The following ZNF48 variants were observed in gnomAD, a reference collection of about 807,000 sequenced individuals.
ZNF48 encodes the protein zinc finger protein 553.
A neutral mutation model predicts 40.0 loss-of-function variants in ZNF48; 20 were observed. That is an observed-to-expected ratio of 0.50 (90% CI 0.35 to 0.73). The LOEUF (loss-of-function observed/expected upper bound fraction) is 0.73, where lower values mean the gene tolerates loss of function less well. ZNF48 is among the 30% of genes least tolerant of loss of function. The pLI, the probability that ZNF48 is intolerant of heterozygous loss-of-function variation, is 0.01. For synonymous variants in ZNF48, 298 were observed against 329.7 expected, an observed-to-expected ratio of 0.90 and a Z score of 1.04; for missense variants, 726 against 851.9, an observed-to-expected ratio of 0.85 and a Z score of 1.84.
chr16:30,379,495 C>T, intron 1 of ZNF48: 1 of 1,614,012 alleles, frequency 6.2e-7, no homozygotes, highest in Non-Finnish European at 8.5e-7. Context: ...CCATCCCTCA[C>T]CACCTCGCAT....
rs903238632 is a variant in ZNF48 at position 30,397,780 on chromosome 16, C to T, written c.530C>T (p.Pro177Leu). Residue 177 changes from proline to leucine, a missense_variant, in exon 3 of 3, where the codon CCC (proline) becomes CTC (leucine). Pro to Leu is a moderately conservative substitution (Grantham distance 98, BLOSUM62 -3). Coordinates refer to ENST00000613509, the MANE Select transcript of ZNF48 (RefSeq NM_001214909.2). The surrounding 1 kb of genome is among the most constrained non-coding windows in gnomAD (Gnocchi z 4.1). ...AGAGCCCGGCCACCAGCCCAGGGTC[C>T]CCCAAAGATTCCTCGGTCCCGGATC... Reference protein sequence around the residue: ...PYRARPPAQGPPKIPRSRIPA... With the variant: ...PYRARPPAQGLPKIPRSRIPA... 5 of 1,613,700 alleles carry T rather than the reference C, an allele frequency of 3.1e-6. No homozygotes were observed. The highest frequency in any genetic ancestry group is 1.1e-5 in the South Asian group (1 of 91,072).
chr16:30,389,674 C>T (rs2049927338), intron 1 of ZNF48, among the ~76,000 whole-genome samples: 1 of 151,422 alleles, frequency 6.6e-6, no homozygotes, highest in African/African-American at 2.4e-5. Flanking sequence ...TTATTAATTC[C>T]AACTAATTAT....
intron 1 of ZNF48, chr16:30,380,525 C>G (rs1304180855): frequency 1.3e-5 from 2 of 158,720 alleles, no homozygotes; most frequent in African/African-American, 4.8e-5. Context: ...TTGTCTTAAA[C>G]TCTTCAGCTC....
chr16:30,379,858 C>T, intron 1 of ZNF48: 3 of 825,298 alleles, frequency 3.6e-6, no homozygotes, highest in Non-Finnish European at 4.0e-6. Context: ...CCTCCCGTCT[C>T]AGCCTCCCAA....
chr16:30,379,862 C>T (rs913971243), intron 1 of ZNF48: 11 of 850,808 alleles, frequency 1.3e-5, no homozygotes, highest in Admixed American at 3.9e-5. Context: ...CCGTCTCAGC[C>T]TCCCAAAGTG....
intron 1 of ZNF48, among the ~76,000 whole-genome samples, chr16:30,389,446 G>T (rs561632651): frequency 6.7e-6 from 1 of 149,598 alleles, no homozygotes; most frequent in South Asian, 2.1e-4. Flanking sequence ...GGTGGTGCGC[G>T]CCTGTAATCC....
intron 1 of ZNF48, chr16:30,378,602 G>C: frequency 6.2e-7 from 1 of 1,611,504 alleles, no homozygotes. Context: ...AGCGAGGTGC[G>C]TGCTCACCTC....
At position 30,382,763 on chromosome 16, in the gene ZNF48, G is replaced by C; in HGVS notation, c.-16+4353G>C. On this transcript the variant is annotated intron_variant, in intron 1 of 2. Transcript: ENST00000528032. The surrounding 1 kb of genome is among the most constrained non-coding windows in gnomAD (Gnocchi z 4.8). Reference sequence around the variant, plus strand: ...CAACCCTCCATCCTTCACACATCTGGATTCCAAGTCCCACTGTAGCTCCAT... The same window carrying C: ...CAACCCTCCATCCTTCACACATCTGCATTCCAAGTCCCACTGTAGCTCCAT... 1 of 1,536,058 alleles carries C rather than the reference G, an allele frequency of 6.5e-7. No individual in the cohort carries two copies. Among genetic ancestry groups the C allele is most frequent in the Non-Finnish European group, 8.7e-7 (1 of 1,146,876 alleles).
At chr16:30,387,190 G>A (rs1280863184) in intron 1 of ZNF48, among the ~76,000 whole-genome samples, 10 of 145,922 alleles carry the variant, frequency 6.9e-5, no homozygotes, top group Non-Finnish European at 1.2e-4. Flanking sequence ...TGATCCGCCC[G>A]CCTTGGCCTC....
intron 1 of ZNF48, among the ~76,000 whole-genome samples, chr16:30,388,955 C>T (rs1484676512): frequency 2.0e-5 from 3 of 151,362 alleles, no homozygotes; most frequent in African/African-American, 7.3e-5. Flanking sequence ...AAAAAGAAAA[C>T]AACCCTGCAA....
rs1483068106 is a variant in ZNF48 at position 30,398,766 on chromosome 16, G to A, written c.1516G>A (p.Ala506Thr). 1.9e-6 allele frequency: 3 copies of A among 1,613,482 alleles called. No homozygotes were observed. The highest frequency in any genetic ancestry group is 8.5e-7 in the Non-Finnish European group (1 of 1,180,002). ...CCTCCGCACCCACCGTGGTGAACGG[G>A]CCCGGCCACCACCACCATCCACTCT... ...KHLRTHRGER[A>T]RPPPPSTLLR... Residue 506 changes from alanine (A) to threonine (T), a missense_variant, in exon 3 of 3, where the codon GCC (alanine) becomes ACC (threonine). Transcript: ENST00000613509. The surrounding 1 kb of genome is among the most constrained non-coding windows in gnomAD (Gnocchi z 6.6).
intron 1 of ZNF48, chr16:30,378,654 G>T: frequency 1.2e-6 from 2 of 1,609,638 alleles, no homozygotes. Context: ...TCCGCCAGAG[G>T]CAGCATGGGC....
chr16:30,389,012 G>A (rs1256395297), intron 1 of ZNF48, among the ~76,000 whole-genome samples: 2 of 152,204 alleles, frequency 1.3e-5, no homozygotes, highest in Non-Finnish European at 2.9e-5. Flanking sequence ...TGTAATCCCA[G>A]CACTTTGGGA....
At chr16:30,380,922 C>T in intron 1 of ZNF48, 1 of 612,262 alleles carries the variant, frequency 1.6e-6, no homozygotes, top group Non-Finnish European at 2.9e-6. Flanking sequence ...AGGCATCTAG[C>T]CCGGGGGCTG....
At chr16:30,395,187 A>T (rs760895639), upstream of ZNF48, 1 of 455,434 alleles carries the variant, frequency 2.2e-6, no homozygotes, top group South Asian at 1.6e-5. This position sits in a 1 kb window ranked among gnomAD's most constrained non-coding sequence, Gnocchi z 5.9. Context: ...GGCTGGAGAC[A>T]CACAGCCACA....
At chr16:30,389,538 A>G (rs935020127) in intron 1 of ZNF48, among the ~76,000 whole-genome samples, 2 of 149,778 alleles carry the variant, frequency 1.3e-5, no homozygotes, top group African/African-American at 4.9e-5. Context: ...GTGCCACTGC[A>G]CTCCAGCCTG....
At chr16:30,384,889 T>A (rs2049888495) in intron 1 of ZNF48, among the ~76,000 whole-genome samples, 1 of 140,272 alleles carries the variant, frequency 7.1e-6, no homozygotes, top group African/African-American at 2.7e-5. Flanking sequence ...AAAAAATAAA[T>A]AAGTAGGCCA....
chr16:30,388,750 C>T (rs964654061), intron 1 of ZNF48, among the ~76,000 whole-genome samples: 1 of 151,792 alleles, frequency 6.6e-6, no homozygotes, highest in African/African-American at 2.4e-5. Flanking sequence ...AAAAATTAGC[C>T]GGGCGTGGTG....
At chr16:30,384,106 T>C (rs980634411) in intron 1 of ZNF48, among the ~76,000 whole-genome samples, 2 of 152,030 alleles carry the variant, frequency 1.3e-5, no homozygotes, top group African/African-American at 4.8e-5. Context: ...TTCCAGCTAC[T>C]TGGGAATCTG....
Sources: gnomAD v4.1 joint callset for allele counts (sites outside exome capture counted in the v4.1 genomes callset) on GRCh38, gnomAD v4.1.1 for gene constraint, Gnocchi (gnomAD v3.1) non-coding constraint, MANE v1.5 for transcripts, NCBI Gene and HGNC (gene_info 2026-07-23, HGNC 2026-07-21) for gene names.